SPAG16: variants seen among roughly 807,000 people sequenced by gnomAD.
SPAG16 encodes sperm associated antigen 16, also known as sperm-associated antigen 16 protein.
SPAG16 carries 86 observed loss-of-function variants against 80.4 expected under a neutral mutation model. The observed-to-expected ratio is 1.07, with a 90% CI of 0.90 to 1.28. The LOEUF is 1.28. Ranked by LOEUF, SPAG16 falls within the 50% of genes most tolerant of loss-of-function variation. The pLI, the probability that SPAG16 is intolerant of heterozygous loss-of-function variation, is 0.00. For synonymous variants in SPAG16, 294 were observed against 265.9 expected (o/e 1.11, Z -1.03); for missense variants, 870 against 765.3 (o/e 1.14, Z -1.61).
intron 15 of SPAG16, among the ~76,000 whole-genome samples, chr2:214,208,123 A>G (rs1451064086): frequency 6.6e-6 from 1 of 152,256 alleles, no homozygotes; most frequent in South Asian, 2.1e-4. Context: ...ATATATACAT[A>G]TACTCTATTC....
At chr2:214,036,743 TAAGA>T (rs1037285955) in intron 13 of SPAG16, among the ~76,000 whole-genome samples, 8 of 152,228 alleles carry the variant, frequency 5.3e-5, no homozygotes, top group African/African-American at 1.9e-4. Flanking sequence ...CCTAGACATC[TAAGA>T]AAGAGGCCTA....
chr2:214,178,015 ATACT>A (rs2057181715), intron 15 of SPAG16, among the ~76,000 whole-genome samples: 1 of 104,782 alleles, frequency 9.5e-6, no homozygotes. Flanking sequence ...ATATATATTC[ATACT>A]TTATTTGTAC....
intron 11 of SPAG16, among the ~76,000 whole-genome samples, chr2:213,890,631 T>C (rs928654607): frequency 6.6e-5 from 10 of 152,200 alleles, no homozygotes; most frequent in African/African-American, 2.4e-4. Flanking sequence ...TGGTTTCATT[T>C]ATATTTGTTC....
intron 9 of SPAG16, 132 bp from the exon 10 acceptor site, chr2:213,489,831 G>C: frequency 1.6e-6 from 1 of 623,724 alleles, no homozygotes; most frequent in Non-Finnish European, 2.4e-6. Context: ...ACTAAAATTG[G>C]AAATGAAGGA....
At chr2:213,545,984 A>T (rs2076599628) in intron 10 of SPAG16, among the ~76,000 whole-genome samples, 1 of 152,036 alleles carries the variant, frequency 6.6e-6, no homozygotes, top group East Asian at 1.9e-4. Context: ...CTCTTTTTTT[A>T]GAATGTCATT....
chr2:213,846,771 T>C (rs2074649556), intron 10 of SPAG16, among the ~76,000 whole-genome samples: 1 of 152,158 alleles, frequency 6.6e-6, no homozygotes, highest in South Asian at 2.1e-4. Flanking sequence ...CTATAAGAAA[T>C]TTGCACCAAT....
intron 12 of SPAG16, among the ~76,000 whole-genome samples, chr2:213,934,228 CT>C (rs1363493678): frequency 1.3e-5 from 2 of 152,204 alleles, no homozygotes; most frequent in African/African-American, 4.8e-5. Context: ...ACTAGTGATG[CT>C]TATATGTTTC....
intron 13 of SPAG16, among the ~76,000 whole-genome samples, chr2:214,043,210 C>T (rs1044216017): frequency 1.3e-5 from 2 of 151,694 alleles, no homozygotes; most frequent in Non-Finnish European, 2.9e-5. Context: ...ATGAAACACC[C>T]TCATTTAATA....
chr2:213,647,308 C>T (rs1193103959), intron 10 of SPAG16, among the ~76,000 whole-genome samples: 1 of 152,262 alleles, frequency 6.6e-6, no homozygotes, highest in East Asian at 1.9e-4. Flanking sequence ...CAATTCTATA[C>T]ACCAGGGTTG....
At chr2:213,470,521 C>G (rs1037037988) in intron 9 of SPAG16, among the ~76,000 whole-genome samples, 1 of 152,194 alleles carries the variant, frequency 6.6e-6, no homozygotes, top group Non-Finnish European at 1.5e-5. Context: ...AACCTGCTAC[C>G]AGGTAGCTGG....
intron 10 of SPAG16, among the ~76,000 whole-genome samples, chr2:213,700,547 T>G (rs1489408347): frequency 6.6e-6 from 1 of 152,224 alleles, no homozygotes; most frequent in Admixed American, 6.5e-5. Context: ...GAATGTTACT[T>G]ACATCTTAAT....
chr2:213,742,523 C>T (rs867539364), intron 10 of SPAG16, among the ~76,000 whole-genome samples: 19 of 151,098 alleles, frequency 1.3e-4, no homozygotes, highest in Middle Eastern at 6.8e-3. Context: ...ACTCTTGATC[C>T]CTCCTGTCTT....
intron 15 of SPAG16, among the ~76,000 whole-genome samples, chr2:214,157,719 C>T (rs1395090888): frequency 6.6e-6 from 1 of 151,934 alleles, no homozygotes; most frequent in Non-Finnish European, 1.5e-5. Flanking sequence ...AAATGCATTT[C>T]AATTGCATGA....
At chr2:214,138,490 C>G (rs1410219949) in intron 14 of SPAG16, among the ~76,000 whole-genome samples, 1 of 152,096 alleles carries the variant, frequency 6.6e-6, no homozygotes, top group Non-Finnish European at 1.5e-5. Flanking sequence ...TATAATTTCT[C>G]CAATGTTTTT....
rs543356020 is a variant in SPAG16 at position 213,903,582 on chromosome 2, C to A, written c.1215-26378C>A. Among the ~76,000 whole-genome samples the A allele has an allele frequency of 2.2e-4, 34 of 152,234 alleles. No homozygotes were observed. In the Middle Eastern group the frequency reaches 0.01, roughly 46 times the overall value. ...TCCACGAAACCATTTTCTCCTAGGCCTCTGGGTCTGTGATGGGAGGGGCTG... is the reference window on the plus strand; with the variant it reads ...TCCACGAAACCATTTTCTCCTAGGCATCTGGGTCTGTGATGGGAGGGGCTG... On this transcript the variant is annotated intron_variant, in intron 11 of 15. Coordinates refer to ENST00000331683, the MANE Select transcript of SPAG16 (RefSeq NM_024532.5).
intron 15 of SPAG16, among the ~76,000 whole-genome samples, chr2:214,374,941 A>G (rs1700042255): frequency 6.6e-6 from 1 of 152,122 alleles, no homozygotes; most frequent in Non-Finnish European, 1.5e-5. Context: ...ATCCTCAACT[A>G]TTCATCTCAG....
chr2:213,536,353 A>G (rs528990938), intron 10 of SPAG16, among the ~76,000 whole-genome samples: 1 of 152,172 alleles, frequency 6.6e-6, no homozygotes, highest in Non-Finnish European at 1.5e-5. Context: ...CAGTAATGCA[A>G]TGGCTGGGTC....
rs67405710 is a variant in SPAG16 at position 213,968,173 on chromosome 2, CTT to C, written c.1400+38031_1400+38032del. Among the ~76,000 whole-genome samples the C allele has an allele frequency of 2.0e-4, 31 of 151,246 alleles. No homozygotes were observed. The East Asian group carries it at 5.3e-3, about 26-fold the overall frequency. ...CTTCTCTCCTCTTCTCTTCTCATCT[CTT>C]TTCTTTTCTTTTCCTTTCCTCCAGA... On this transcript the variant is annotated intron_variant, in intron 12 of 15. Coordinates refer to ENST00000331683, the MANE Select transcript of SPAG16 (RefSeq NM_024532.5).
At chr2:213,378,020 C>A (rs2066980411) in intron 9 of SPAG16, among the ~76,000 whole-genome samples, 3 of 151,846 alleles carry the variant, frequency 2.0e-5, no homozygotes, top group Admixed American at 2.0e-4. Context: ...AACTAAGGAG[C>A]ACGGAGAGCC....
Sources: gnomAD v4.1 joint callset for allele counts (sites outside exome capture counted in the v4.1 genomes callset) on GRCh38, gnomAD v4.1.1 for gene constraint, MANE v1.5 for transcripts, NCBI Gene and HGNC (gene_info 2026-07-23, HGNC 2026-07-21) for gene names.